TNFRSF8: variants seen among roughly 807,000 people sequenced by gnomAD.
TNFRSF8 encodes tumor necrosis factor receptor superfamily member 8.
Under a neutral mutation model 70.8 loss-of-function variants are expected in TNFRSF8, and 26 were observed. That is an observed-to-expected ratio of 0.37 (90% CI 0.27 to 0.51). The LOEUF (loss-of-function observed/expected upper bound fraction) is 0.51. TNFRSF8 is among the 20% of genes least tolerant of loss of function. The pLI, the probability that TNFRSF8 is intolerant of heterozygous loss-of-function variation, is 0.94. For synonymous variants in TNFRSF8, 356 were observed against 339.2 expected (o/e 1.05, Z -0.54); for missense variants, 720 against 807.9 (o/e 0.89, Z 1.32).
chr1:12,088,378 G>A lies in TNFRSF8; in HGVS notation c.151+3827G>A, dbSNP rs781022103. On this transcript the variant is annotated intron_variant, in intron 2 of 14. Transcript: ENST00000263932. This position sits in a 1 kb window ranked among gnomAD's most constrained non-coding sequence, Gnocchi z 4.0. Reference sequence around the variant, plus strand: ...AATCCAGAGAGGAAACTTGGACACCGAGGGGTTCAGGAATTTGCACAAGGC... The same window carrying A: ...AATCCAGAGAGGAAACTTGGACACCAAGGGGTTCAGGAATTTGCACAAGGC... 6.6e-6 allele frequency among the ~76,000 whole-genome samples: 1 copy of A among 152,072 alleles called. No homozygotes were observed. The highest frequency in any genetic ancestry group is 2.4e-5 in the African/African-American group (1 of 41,410).
At position 12,144,019 on chromosome 1, in the gene TNFRSF8, G is replaced by A. The variant is rs1038811656; in HGVS notation, c.*1488G>A. ...GTGTTTGTGCAAGGATGGAGTGGGT[G>A]TCTCTGCATCACCCACAGCCGCAGC... On this transcript the variant is annotated 3_prime_UTR_variant, in exon 15 of 15. Coordinates refer to ENST00000263932, the MANE Select transcript of TNFRSF8 (RefSeq NM_001243.5). 1 of 152,254 alleles carries A rather than the reference G, an allele frequency of 6.6e-6. No individual in the cohort carries two copies. Among genetic ancestry groups the A allele is most frequent in the African/African-American group, 2.4e-5 (1 of 41,460 alleles). 9.4% of individuals were successfully genotyped at this position (152,254 alleles called of 1,614,324 possible).
Position 12,088,036 on chromosome 1 carries a change from G to A in TNFRSF8, c.151+3485G>A, listed in dbSNP as rs1040679355. Among the ~76,000 whole-genome samples the A allele has an allele frequency of 4.6e-5, 7 of 152,130 alleles. No homozygotes were observed. The highest frequency in any genetic ancestry group is 1.4e-4 in the African/African-American group (6 of 41,422). ...TCTCGGGGAAATTTCTTGACATTTT[G>A]CCTGCCCTGTGCAGCCAGCACTCAG... On this transcript the variant is annotated intron_variant, in intron 2 of 14. Transcript: ENST00000263932. This position sits in a 1 kb window ranked among gnomAD's most constrained non-coding sequence, Gnocchi z 4.0.
In TNFRSF8 at chr1:12,109,606, A is replaced by G. The variant is rs749793374; in HGVS notation, c.462A>G (p.Pro154=). Residue 154 remains proline (P), a synonymous_variant, in exon 5 of 15, where the codon CCA becomes CCG. Coordinates refer to ENST00000263932, the MANE Select transcript of TNFRSF8 (RefSeq NM_001243.5). The surrounding 1 kb of genome is among the most constrained non-coding windows in gnomAD (Gnocchi z 4.4). ...ACACGGTCTGTGAGCCGGCTTCCCCAGGGGTCAGCCCTGCCTGTGCCAGCC... is the reference window on the plus strand; with the variant it reads ...ACACGGTCTGTGAGCCGGCTTCCCCGGGGGTCAGCCCTGCCTGTGCCAGCC... ...QKNTVCEPAS[P]GVSPACASPE... is the part of the protein sequence containing the mutation. 2.5e-6 allele frequency: 4 copies of G among 1,613,698 alleles called. No homozygotes were observed. In the South Asian group the frequency reaches 3.3e-5, roughly 13 times the overall value.
In TNFRSF8 at chr1:12,138,309, C is replaced by G; in HGVS notation, c.1416C>G (p.Cys472Trp). ...GLMSQPLMET[C>W]HSVGAAYLES... ...TGAGCCAGCCACTGATGGAGACCTG[C>G]CACAGCGTGGGGGCAGCCTACCTGG... The change falls in exon 14 of 15, where the codon TGC (cysteine) becomes TGG (tryptophan). Residue 472 changes from cysteine to tryptophan, a missense_variant. By Grantham distance (215) the Cys-to-Trp change is radical (BLOSUM62 -2). Transcript: ENST00000263932. The surrounding 1 kb of genome is among the most constrained non-coding windows in gnomAD (Gnocchi z 5.7). The G allele has an allele frequency of 6.2e-7, 1 of 1,613,778 alleles. No individual in the cohort carries two copies. Among genetic ancestry groups the G allele is most frequent in the Non-Finnish European group, 8.5e-7 (1 of 1,179,968 alleles).
rs560383535 is a variant in TNFRSF8 at position 12,101,617 on chromosome 1, C to T, written c.269-2762C>T. 1.4e-4 allele frequency among the ~76,000 whole-genome samples: 22 copies of T among 152,250 alleles called. No individual in the cohort carries two copies. The South Asian group carries it at 3.1e-3, about 22-fold the overall frequency. On this transcript the variant is annotated intron_variant, in intron 3 of 14. Transcript: ENST00000263932. ...AAACATGGGAGTAACGCACGTGCTA[C>T]GACATTGCCGTGGCTATGACATCAC...
rs1642252465 is a variant in TNFRSF8 at position 12,141,465 on chromosome 1, C to T, written c.1544-822C>T. Among the ~76,000 whole-genome samples the T allele has an allele frequency of 6.6e-6, 1 of 152,272 alleles. No homozygotes were observed. Among genetic ancestry groups the T allele is most frequent in the South Asian group, 2.1e-4 (1 of 4,836 alleles). Reference sequence around the variant, plus strand: ...GGCGAGGACCGGCCCTCCGTCCAAGCTCCCACCATGTGCTCACAGCACAGC... The same window carrying T: ...GGCGAGGACCGGCCCTCCGTCCAAGTTCCCACCATGTGCTCACAGCACAGC... On this transcript the variant is annotated intron_variant, in intron 14 of 14. Transcript: ENST00000263932. The surrounding 1 kb of genome is among the most constrained non-coding windows in gnomAD (Gnocchi z 5.4).
At chr1:12,083,989 G>A (rs940004084) in intron 1 of TNFRSF8, among the ~76,000 whole-genome samples, 8 of 152,134 alleles carry the variant, frequency 5.3e-5, no homozygotes, top group African/African-American at 1.9e-4. Flanking sequence ...TGATGAGTTG[G>A]GTGCTGATTG....
In TNFRSF8 at chr1:12,138,972, C is replaced by T. The variant is rs527498166; in HGVS notation, c.1543+536C>T. On this transcript the variant is annotated intron_variant, in intron 14 of 14. Coordinates refer to ENST00000263932, the MANE Select transcript of TNFRSF8 (RefSeq NM_001243.5). The surrounding 1 kb of genome is among the most constrained non-coding windows in gnomAD (Gnocchi z 5.7). ...GGCCTTGAAGCCCGTGGTTTGTCCACGTTACCACCCACCCTCTGCAGAAGC... is the reference window on the plus strand; with the variant it reads ...GGCCTTGAAGCCCGTGGTTTGTCCATGTTACCACCCACCCTCTGCAGAAGC... Among the ~76,000 whole-genome samples, 8 of 152,194 alleles carry T rather than the reference C, an allele frequency of 5.3e-5. No individual in the cohort carries two copies. Among genetic ancestry groups the T allele is most frequent in the African/African-American group, 1.7e-4 (7 of 41,452 alleles).
Position 12,141,103 on chromosome 1 carries a change from A to G in TNFRSF8, c.1544-1184A>G, listed in dbSNP as rs554704884. ...TTTCCTGGGGGTGTTCAAAACCAGAATAGAAGAACCAGCGTCATGCAATAG... is the reference window on the plus strand; with the variant it reads ...TTTCCTGGGGGTGTTCAAAACCAGAGTAGAAGAACCAGCGTCATGCAATAG... On this transcript the variant is annotated intron_variant, in intron 14 of 14. Coordinates refer to ENST00000263932, the MANE Select transcript of TNFRSF8 (RefSeq NM_001243.5). The surrounding 1 kb of genome is among the most constrained non-coding windows in gnomAD (Gnocchi z 5.4). 7.9e-5 allele frequency among the ~76,000 whole-genome samples: 12 copies of G among 152,320 alleles called. No homozygotes were observed. Among genetic ancestry groups the G allele is most frequent in the African/African-American group, 2.9e-4 (12 of 41,554 alleles).
intron 4 of TNFRSF8, among the ~76,000 whole-genome samples, chr1:12,106,760 T>C (rs1163543076): frequency 6.6e-6 from 1 of 151,924 alleles, no homozygotes; most frequent in Non-Finnish European, 1.5e-5. Flanking sequence ...GGGCAGCAGA[T>C]ACCTAGGATT....
intron 1 of TNFRSF8, among the ~76,000 whole-genome samples, chr1:12,083,785 T>A (rs1039897906): frequency 2.6e-5 from 4 of 152,232 alleles, no homozygotes; most frequent in African/African-American, 9.6e-5. Flanking sequence ...CAACTGTTAT[T>A]TGCAACAGTG....
At chr1:12,101,426 C>CAA (rs112614202) in intron 3 of TNFRSF8, among the ~76,000 whole-genome samples, 34,021 of 142,010 alleles carry the variant, frequency 0.24, 4,228 homozygotes, top group East Asian at 0.35. Flanking sequence ...GACCCTGTTT[C>CAA]AAAAAAAAAA....
chr1:12,095,261 GT>G (rs966352689), intron 2 of TNFRSF8, among the ~76,000 whole-genome samples: 1 of 151,544 alleles, frequency 6.6e-6, no homozygotes, highest in African/African-American at 2.4e-5. Flanking sequence ...TATTTAATGA[GT>G]TTACAAAGAA....
intron 8 of TNFRSF8, among the ~76,000 whole-genome samples, chr1:12,117,456 A>G (rs1246373775): frequency 1.3e-5 from 2 of 151,916 alleles, no homozygotes; most frequent in African/African-American, 4.8e-5. Flanking sequence ...GGGTGCTGTC[A>G]CTCTGTTTGT....
At chr1:12,071,210 T>G (rs1640837878) in intron 1 of TNFRSF8, among the ~76,000 whole-genome samples, 1 of 152,138 alleles carries the variant, frequency 6.6e-6, no homozygotes, top group Admixed American at 6.5e-5. Flanking sequence ...AAGGCTGAGG[T>G]GGGCAGATAG....
rs372018199 is a variant in TNFRSF8, at chr1:12,123,060, C to G, written c.947-224C>G. Reference sequence around the variant, plus strand: ...GTCAGGCTGGTCTCGAACTCCTGACCTCAAGTGGTCCTCCTGCCTCAGCCT... The same window carrying G: ...GTCAGGCTGGTCTCGAACTCCTGACGTCAAGTGGTCCTCCTGCCTCAGCCT... On this transcript the variant is annotated intron_variant, in intron 8 of 14. Transcript: ENST00000263932. 9.9e-5 allele frequency among the ~76,000 whole-genome samples: 15 copies of G among 152,224 alleles called. 3 individuals are homozygous for G. Among genetic ancestry groups the G allele is most frequent in the Admixed American group, 6.5e-5 (1 of 15,296 alleles).
intron 2 of TNFRSF8, among the ~76,000 whole-genome samples, chr1:12,091,429 T>C (rs536476020): frequency 2.0e-5 from 3 of 152,142 alleles, no homozygotes; most frequent in East Asian, 1.9e-4. Context: ...TATATGCCAA[T>C]GTCCATCAAA....
intron 12 of TNFRSF8, among the ~76,000 whole-genome samples, chr1:12,132,729 T>A (rs567561116): frequency 6.6e-6 from 1 of 150,804 alleles, no homozygotes; most frequent in East Asian, 1.9e-4. Flanking sequence ...TCCCAGCTAC[T>A]TGGGAGGCTG....
chr1:12,121,446 G>C (rs970221861), intron 8 of TNFRSF8, among the ~76,000 whole-genome samples: 1 of 151,048 alleles, frequency 6.6e-6, no homozygotes, highest in Admixed American at 6.6e-5. Flanking sequence ...GAGAGGTGTA[G>C]TGACTGAGCA....
Sources: gnomAD v4.1 joint callset for allele counts (sites outside exome capture counted in the v4.1 genomes callset) on GRCh38, gnomAD v4.1.1 for gene constraint, Gnocchi (gnomAD v3.1) non-coding constraint, MANE v1.5 for transcripts, NCBI Gene and HGNC (gene_info 2026-07-23, HGNC 2026-07-21) for gene names.